CYLD: variants seen among roughly 807,000 people sequenced by gnomAD.
CYLD encodes CYLD lysine 63 deubiquitinase.
A neutral mutation model predicts 104.5 loss-of-function variants in CYLD; 26 were observed. The ratio of observed to expected loss-of-function variants is 0.25; its 90% CI spans 0.18 to 0.35. CYLD has a LOEUF of 0.35. Ranked by LOEUF, CYLD falls within the 10% of genes least tolerant of loss-of-function variation. The pLI is 1.00. For missense variants in CYLD, 703 were observed against 1,136.1 expected (o/e 0.62, Z 5.48); for synonymous variants, 385 against 399.9 (o/e 0.96, Z 0.45).
In CYLD at chr16:50,751,793, A is replaced by G. The variant is rs915435587; in HGVS notation, c.694A>G (p.Ile232Val). The G allele has an allele frequency of 3.4e-5, 55 of 1,613,690 alleles. No individual in the cohort carries two copies. The highest frequency in any genetic ancestry group is 4.6e-5 in the Non-Finnish European group (54 of 1,179,824). The stretch of plus-strand genomic sequence containing the variant: ...GCAGGTCGAACTTCCTCCTTTGGAA[A>G]TAAACTCCAGAGTTTCTTTGAAGGT... The part of the protein sequence containing the change: ...TMQVELPPLE[I>V]NSRVSLKVGE... Residue 232 changes from isoleucine to valine, a missense_variant, in exon 4 of 19, where the codon ATA becomes GTA. Physicochemically the swap from Ile to Val is conservative, Grantham distance 29 (BLOSUM62 3). Transcript: ENST00000427738.
chr16:50,782,198 A>T, intron 10 of CYLD, 127 bp from the exon 11 acceptor site: 1 of 728,646 alleles, frequency 1.4e-6, no homozygotes, highest in Non-Finnish European at 2.2e-6. Flanking sequence ...CCTACTTTCC[A>T]CTTAAAGAAA....
Position 50,796,650 on chromosome 16 carries a change from T to G in CYLD, c.*142T>G. Reference sequence around the variant, plus strand: ...TCCTTCAGAAAAGGATGCCTCTGTTTAAAAACAAATTGCTTTTGTGTCCCT... The same window carrying G: ...TCCTTCAGAAAAGGATGCCTCTGTTGAAAAACAAATTGCTTTTGTGTCCCT... On this transcript the variant is annotated 3_prime_UTR_variant, in exon 19 of 19. Coordinates refer to ENST00000427738, the MANE Select transcript of CYLD (RefSeq NM_001378743.1). 2 of 838,714 alleles carry G rather than the reference T, an allele frequency of 2.4e-6. No homozygotes were observed. Among genetic ancestry groups the G allele is most frequent in the Non-Finnish European group, 3.9e-6 (2 of 508,866 alleles). 52.0% of individuals were successfully genotyped at this position (838,714 alleles called of 1,614,324 possible). A position where few individuals can be genotyped will look rare whatever the true frequency, so the allele number is the denominator to read the frequency against.
intron 6 of CYLD, 29 bp from the exon 7 acceptor site, chr16:50,776,150 A>G (rs1969658880): frequency 6.6e-7 from 1 of 1,509,468 alleles, no homozygotes; most frequent in South Asian, 1.1e-5. Flanking sequence ...ATTTGCCTTT[A>G]TCTTTAAAAA....
At position 50,779,698 on chromosome 16, in the gene CYLD, T is replaced by C. The variant is rs138976689; in HGVS notation, c.1172T>C (p.Ile391Thr). 83 of 1,614,034 alleles carry C rather than the reference T, an allele frequency of 5.1e-5. No homozygotes were observed. In the East Asian group the frequency reaches 1.8e-3, roughly 35 times the overall value. Residue 391 changes from isoleucine to threonine, a missense_variant, in exon 9 of 19, where the codon ATA (isoleucine) becomes ACA (threonine). Around this residue, in one of 5 missense-constraint regions of CYLD, gnomAD observed 183 missense variants for 212.1 expected, o/e 0.86. Transcript: ENST00000427738. ...AEDPAKSLTEISTDFDRSSPP... is the reference protein window; with the variant it reads ...AEDPAKSLTETSTDFDRSSPP... ...GACCCTGCAAAATCTCTTACAGAGA[T>C]ATCTACAGACTTTGACCGTTCTTCA...
Position 50,800,604 on chromosome 16 carries a change from A to G in CYLD, c.*4096A>G, listed in dbSNP as rs1972387142. On this transcript the variant is annotated 3_prime_UTR_variant, in exon 19 of 19. Coordinates refer to ENST00000427738, the MANE Select transcript of CYLD (RefSeq NM_001378743.1). ...TTTTATTTATTTAGAGGAAATTGAG[A>G]TTCTAGGAGCCAAAAAAATGAAAAC... The G allele has an allele frequency of 4.3e-6, 1 of 232,694 alleles. No homozygotes were observed. Among genetic ancestry groups the G allele is most frequent in the Non-Finnish European group, 8.5e-6 (1 of 117,742 alleles). 14.4% of individuals were successfully genotyped at this position (232,694 alleles called of 1,614,324 possible). A position where few individuals can be genotyped will look rare whatever the true frequency, so the allele number is the denominator to read the frequency against.
chr16:50,762,732 T>C (rs919466415), intron 5 of CYLD, among the ~76,000 whole-genome samples: 1 of 152,248 alleles, frequency 6.6e-6, no homozygotes, highest in African/African-American at 2.4e-5. Context: ...TGTGTATCCT[T>C]TCATTTATTT....
In CYLD at chr16:50,776,229, G is replaced by A; in HGVS notation, c.973G>A (p.Gly325Ser). Residue 325 changes from glycine (G) to serine (S), a missense_variant, in exon 7 of 19, where the codon GGT becomes AGT. Gly to Ser is a moderately conservative substitution (Grantham distance 56). Around this residue, in one of 5 missense-constraint regions of CYLD, gnomAD observed 183 missense variants for 212.1 expected, o/e 0.86. Transcript: ENST00000427738. ...TCCCAAACTTGCCTTTATGTCAAGA[G>A]GTGTTGGGGACAAAGGTTCATCCAG... ...RPPKLAFMSR[G>S]VGDKGSSSHN... 6.2e-7 allele frequency: 1 copy of A among 1,613,644 alleles called. No individual in the cohort carries two copies. The highest frequency in any genetic ancestry group is 1.1e-5 in the South Asian group (1 of 91,070).
In CYLD at chr16:50,779,932, G is replaced by T. The variant is rs749660371; in HGVS notation, c.1406G>T (p.Gly469Val). The T allele has an allele frequency of 2.5e-6, 4 of 1,614,046 alleles. No homozygotes were observed. The highest frequency in any genetic ancestry group is 1.1e-5 in the South Asian group (1 of 91,072). Reference sequence around the variant, plus strand: ...GCCATGCCTCCTGGGAACTCACATGGTCTAGAAGTGGGCTCATTGGCTGAA... The same window carrying T: ...GCCATGCCTCCTGGGAACTCACATGTTCTAGAAGTGGGCTCATTGGCTGAA... ...PLAMPPGNSH[G>V]LEVGSLAEVK... The change falls in exon 9 of 19, where the codon GGT becomes GTT. Residue 469 changes from glycine to valine, a missense_variant. By Grantham distance (109) the Gly-to-Val change is moderately radical. This residue lies in a region of CYLD where 183 missense variants were observed against 212.1 expected (regional missense o/e 0.86). Coordinates refer to ENST00000427738, the MANE Select transcript of CYLD (RefSeq NM_001378743.1).
intron 18 of CYLD, chr16:50,795,452 A>G (rs1971933081): frequency 2.9e-6 from 2 of 680,912 alleles, no homozygotes; most frequent in Admixed American, 2.1e-5. Context: ...CCCTGCCTCT[A>G]CCTATAAGGA....
At chr16:50,770,237 T>C (rs1968996958) in intron 5 of CYLD, among the ~76,000 whole-genome samples, 2 of 152,214 alleles carry the variant, frequency 1.3e-5, no homozygotes, top group Admixed American at 1.3e-4. Flanking sequence ...CCAGAGTGAC[T>C]GTACTCTTAC....
Position 50,794,355 on chromosome 16 carries a change from C to T in CYLD, c.2613C>T (p.His871=), listed in dbSNP as rs754721077. The T allele has an allele frequency of 5.9e-5, 96 of 1,614,026 alleles. No individual in the cohort carries two copies. Among genetic ancestry groups the T allele is most frequent in the Non-Finnish European group, 2.0e-5 (24 of 1,180,036 alleles). The change falls in exon 18 of 19, where the codon CAC becomes CAT. Residue 871 remains histidine (H), a synonymous_variant. Transcript: ENST00000427738. The surrounding 1 kb of genome is among the most constrained non-coding windows in gnomAD (Gnocchi z 4.1). ...LFAVLCIETS[H]YVAFVKYGKD... ...CTGTTCTCTGCATAGAAACAAGCCA[C>T]TATGTTGCTTTTGTGAAGTATGGGA...
Position 50,800,775 on chromosome 16 carries a change from G to A in CYLD, c.*4267G>A, listed in dbSNP as rs1279838411. 1.3e-5 allele frequency: 3 copies of A among 233,150 alleles called. No homozygotes were observed. The highest frequency in any genetic ancestry group is 1.7e-5 in the Non-Finnish European group (2 of 117,992). 14.4% of individuals were successfully genotyped at this position (233,150 alleles called of 1,614,324 possible). A position where few individuals can be genotyped will look rare whatever the true frequency, so the allele number is the denominator to read the frequency against. ...AAAGTAAGAGGTCTTTTTAAAGTAG[G>A]TAGGCTATAAGGCCTGTAATTTAAA... On this transcript the variant is annotated 3_prime_UTR_variant, in exon 19 of 19. Transcript: ENST00000427738.
At position 50,795,909 on chromosome 16, in the gene CYLD, G is replaced by C. The variant is rs187675620; in HGVS notation, c.2687-415G>C. On this transcript the variant is annotated intron_variant, in intron 18 of 18. Coordinates refer to ENST00000427738, the MANE Select transcript of CYLD (RefSeq NM_001378743.1). The stretch of plus-strand genomic sequence containing the variant: ...TGCGTAAGGATGTGTTTAAAGTGTA[G>C]GGAGCTATAATAGCGTTCATTTGAC... Among the ~76,000 whole-genome samples, 212 of 152,288 alleles carry C rather than the reference G, an allele frequency of 1.4e-3. 4 individuals are homozygous for C. Among genetic ancestry groups the C allele is most frequent in the Admixed American group, 0.014 (208 of 15,300 alleles).
intron 3 of CYLD, 140 bp downstream of exon 3, chr16:50,750,342 T>C: frequency 1.0e-6 from 1 of 983,542 alleles, no homozygotes; most frequent in South Asian, 1.3e-5. Context: ...ATATTCATCA[T>C]CCTTGCTGAT....
intron 5 of CYLD, among the ~76,000 whole-genome samples, chr16:50,767,621 C>T (rs1683416172): frequency 6.6e-6 from 1 of 151,942 alleles, no homozygotes; most frequent in African/African-American, 2.4e-5. Context: ...ATTCATTATA[C>T]TGAATAAGTT....
chr16:50,785,410 CTT>C (rs1020020610), intron 12 of CYLD: 2 of 152,118 alleles, frequency 1.3e-5, no homozygotes, highest in African/African-American at 4.8e-5. Context: ...AATTTCCTCA[CTT>C]ATATCTTTTG....
At chr16:50,769,645 A>G (rs771872595) in intron 5 of CYLD, among the ~76,000 whole-genome samples, 1 of 152,202 alleles carries the variant, frequency 6.6e-6, no homozygotes, top group Non-Finnish European at 1.5e-5. Context: ...TGTGCCCTTT[A>G]GCCAATTTTT....
At chr16:50,770,351 G>A (rs556409124) in intron 5 of CYLD, among the ~76,000 whole-genome samples, 33 of 151,842 alleles carry the variant, frequency 2.2e-4, no homozygotes, top group Admixed American at 3.9e-4. Flanking sequence ...ATTTGTAGTT[G>A]TATTTCACTG....
At chr16:50,791,779 A>C in intron 15 of CYLD, 89 bp downstream of exon 15, 1 of 1,430,596 alleles carries the variant, frequency 7.0e-7, no homozygotes, top group Non-Finnish European at 9.8e-7. Flanking sequence ...GATTTTAACT[A>C]GCTGAGAAAA....
Sources: allele counts gnomAD v4.1 joint callset (sites outside exome capture counted in the v4.1 genomes callset), GRCh38; gene constraint gnomAD v4.1.1; regional missense constraint gnomAD v4.1.1; non-coding constraint Gnocchi (gnomAD v3.1); transcripts MANE v1.5; gene names NCBI Gene and HGNC (gene_info 2026-07-23, HGNC 2026-07-21).